The following SLC24A2 variants were observed in gnomAD, a reference collection of about 807,000 sequenced individuals.
SLC24A2 encodes sodium/potassium/calcium exchanger 2.
SLC24A2 carries 36 observed loss-of-function variants against 62.0 expected under a neutral mutation model. The ratio of observed to expected loss-of-function variants is 0.58; its 90% confidence interval spans 0.44 to 0.77. The LOEUF (loss-of-function observed/expected upper bound fraction) is 0.77. SLC24A2 is among the 30% of genes least tolerant of loss of function. SLC24A2 has a pLI of 0.00. For missense variants in SLC24A2, 846 were observed against 817.9 expected (o/e 1.03, Z -0.42); for synonymous variants, 358 against 294.0 (o/e 1.22, Z -2.23).
At chr9:20,230,308 C>G in the SLC24A2 span, among the ~76,000 whole-genome samples, 1 of 152,168 alleles carries the variant, frequency 6.6e-6, no homozygotes, top group Non-Finnish European at 1.5e-5. Context: ...GGAATCGTCA[C>G]ACTGATTTCC....
chr9:20,304,173 G>A, the SLC24A2 span, among the ~76,000 whole-genome samples: 5 of 152,176 alleles, frequency 3.3e-5, no homozygotes, highest in African/African-American at 1.2e-4. Flanking sequence ...ACACAGGATT[G>A]CCTCAAGCTG....
the SLC24A2 span, among the ~76,000 whole-genome samples, chr9:20,061,259 G>C: frequency 0.092 from 14,029 of 151,760 alleles, 757 homozygotes; most frequent in East Asian, 0.17. Flanking sequence ...CAGAAGTCTA[G>C]AAATATGTCT....
chr9:19,856,479 T>C, the SLC24A2 span, among the ~76,000 whole-genome samples: 1 of 152,126 alleles, frequency 6.6e-6, no homozygotes, highest in South Asian at 2.1e-4. Context: ...TTGTGGGGTC[T>C]TTTTTGTTTA....
the SLC24A2 span, among the ~76,000 whole-genome samples, chr9:20,009,996 T>C: frequency 6.6e-6 from 1 of 152,114 alleles, no homozygotes; most frequent in African/African-American, 2.4e-5. Flanking sequence ...AATAATACTG[T>C]CTAGCCAGGG....
the SLC24A2 span, among the ~76,000 whole-genome samples, chr9:19,897,188 G>C: frequency 6.6e-6 from 1 of 152,162 alleles, no homozygotes; most frequent in Non-Finnish European, 1.5e-5. Context: ...GCCTTTCCGT[G>C]TGAGTACAAT....
the SLC24A2 span, among the ~76,000 whole-genome samples, chr9:20,237,861 C>A: frequency 6.6e-6 from 1 of 152,156 alleles, no homozygotes; most frequent in Non-Finnish European, 1.5e-5. Context: ...GTAGTCTCCT[C>A]ATTTCCCTAG....
chr9:20,270,596 C>T, the SLC24A2 span, among the ~76,000 whole-genome samples: 1 of 152,062 alleles, frequency 6.6e-6, no homozygotes, highest in African/African-American at 2.4e-5. Context: ...AAGTGCTTTC[C>T]CTAAGGAGCT....
chr9:20,149,388 G>A, the SLC24A2 span, among the ~76,000 whole-genome samples: 47 of 151,690 alleles, frequency 3.1e-4, no homozygotes, highest in African/African-American at 1.0e-3. Context: ...TTAGCAAATA[G>A]TAACTTCCAT....
chr9:20,279,166 G>A, the SLC24A2 span, among the ~76,000 whole-genome samples: 1 of 152,156 alleles, frequency 6.6e-6, no homozygotes, highest in Non-Finnish European at 1.5e-5. Context: ...TGACACATGG[G>A]GATTATGGGA....
At chr9:19,771,141 G>A (rs965692301) in intron 2 of SLC24A2, among the ~76,000 whole-genome samples, 14 of 152,310 alleles carry the variant, frequency 9.2e-5, no homozygotes, top group African/African-American at 3.1e-4. Context: ...ATTATGCAAT[G>A]AGCATAACTG....
the SLC24A2 span, among the ~76,000 whole-genome samples, chr9:19,892,228 T>C: frequency 6.6e-6 from 1 of 152,220 alleles, no homozygotes; most frequent in Non-Finnish European, 1.5e-5. Flanking sequence ...CAACCTGCTT[T>C]CTCAGTTACC....
the SLC24A2 span, among the ~76,000 whole-genome samples, chr9:20,210,194 G>C: frequency 1.3e-5 from 2 of 152,162 alleles, no homozygotes; most frequent in Non-Finnish European, 2.9e-5. Context: ...TTGGGGGACA[G>C]GTTTAACACC....
the SLC24A2 span, among the ~76,000 whole-genome samples, chr9:20,170,356 G>A: frequency 6.6e-6 from 1 of 152,032 alleles, no homozygotes; most frequent in Non-Finnish European, 1.5e-5. Context: ...AGAGCACAGA[G>A]AGCAAAGGAG....
At chr9:19,865,257 T>G in the SLC24A2 span, among the ~76,000 whole-genome samples, 1 of 151,968 alleles carries the variant, frequency 6.6e-6, no homozygotes, top group African/African-American at 2.4e-5. Flanking sequence ...GTCCATACTA[T>G]CCAAAGTAAT....
the SLC24A2 span, among the ~76,000 whole-genome samples, chr9:20,296,478 T>A: frequency 6.6e-6 from 1 of 152,246 alleles, no homozygotes; most frequent in East Asian, 1.9e-4. Flanking sequence ...ATTCACAATG[T>A]TGACTTTGTG....
chr9:19,719,782 T>G (rs1454480619), intron 2 of SLC24A2, among the ~76,000 whole-genome samples: 1 of 152,244 alleles, frequency 6.6e-6, no homozygotes, highest in Non-Finnish European at 1.5e-5. Context: ...TATCTCATGT[T>G]TTTATTTATC....
chr9:19,681,546 T>C (rs1290805399), intron 2 of SLC24A2, among the ~76,000 whole-genome samples: 1 of 152,120 alleles, frequency 6.6e-6, no homozygotes, highest in South Asian at 2.1e-4. Flanking sequence ...CCTAACCCAG[T>C]TGAGGTGTGG....
the SLC24A2 span, among the ~76,000 whole-genome samples, chr9:20,177,500 G>C: frequency 1.3e-5 from 2 of 152,070 alleles, no homozygotes; most frequent in Non-Finnish European, 2.9e-5. Context: ...CTGAGCAGCA[G>C]GAATTTAGGT....
At chr9:19,763,894 C>T (rs980056637) in intron 2 of SLC24A2, among the ~76,000 whole-genome samples, 9 of 152,156 alleles carry the variant, frequency 5.9e-5, no homozygotes, top group African/African-American at 2.2e-4. Flanking sequence ...ATGATACCAG[C>T]TCCTCTTTGT....
Sources: gnomAD v4.1 joint callset for allele counts (sites outside exome capture counted in the v4.1 genomes callset) on GRCh38, gnomAD v4.1.1 for gene constraint, MANE v1.5 for transcripts, NCBI Gene and HGNC (gene_info 2026-07-23, HGNC 2026-07-21) for gene names.